FA2H: variants seen among roughly 807,000 people sequenced by gnomAD.
FA2H encodes fatty acid 2-hydroxylase.
In FA2H, 22 loss-of-function variants were observed where a neutral mutation model predicts 44.9. The observed-to-expected ratio is 0.49, with a 90% CI of 0.35 to 0.70. The LOEUF is 0.70. Among genes scored for constraint, FA2H ranks in the 30% least tolerant of loss-of-function variants. The pLI, the probability that FA2H is intolerant of heterozygous loss-of-function variation, is 0.01. For synonymous variants in FA2H, 243 were observed against 213.2 expected (o/e 1.14, Z -1.22); for missense variants, 501 against 504.9 (o/e 0.99, Z 0.07).
intron 2 of FA2H, among the ~76,000 whole-genome samples, chr16:74,730,162 CA>C (rs1294655943): frequency 6.6e-6 from 1 of 152,104 alleles, no homozygotes; most frequent in Non-Finnish European, 1.5e-5. Context: ...AGCCTGGGAG[CA>C]GGGGGGTGGG....
intron 2 of FA2H, among the ~76,000 whole-genome samples, chr16:74,730,003 T>A (rs763891204): frequency 1.3e-5 from 2 of 152,070 alleles, no homozygotes; most frequent in Non-Finnish European, 2.9e-5. Context: ...CATCAGTGAT[T>A]CCAGAAACCT....
chr16:74,751,506 C>T (rs1962525805), intron 1 of FA2H, among the ~76,000 whole-genome samples: 1 of 152,042 alleles, frequency 6.6e-6, no homozygotes, highest in African/African-American at 2.4e-5. Context: ...CACTCGTCAC[C>T]ATAATGATGC....
chr16:74,757,976 A>G (rs1264568007), intron 1 of FA2H, among the ~76,000 whole-genome samples: 1 of 152,158 alleles, frequency 6.6e-6, no homozygotes, highest in Non-Finnish European at 1.5e-5. Context: ...CTGAGATAGC[A>G]CCACTATACT....
In FA2H at chr16:74,714,112, A is replaced by C; in HGVS notation, c.*78T>G. The C allele has an allele frequency of 1.1e-6, 1 of 893,996 alleles. No homozygotes were observed. The highest frequency in any genetic ancestry group is 1.8e-6 in the Non-Finnish European group (1 of 555,390). The allele number at this position is 893,996 out of a possible 1,614,324, so 55.4% of individuals were successfully genotyped here. ...CCTGCCTGGCCAAGCCAACCTTCTT[A>C]ATGGGGTCTGAATGGCGGGTGGGGG... On this transcript the variant is annotated 3_prime_UTR_variant, in exon 7 of 7. Coordinates refer to ENST00000219368, the MANE Select transcript of FA2H (RefSeq NM_024306.5).
At chr16:74,750,226 C>T (rs1012496705) in intron 1 of FA2H, among the ~76,000 whole-genome samples, 32 of 152,178 alleles carry the variant, frequency 2.1e-4, no homozygotes, top group African/African-American at 7.5e-4. Flanking sequence ...AAGGAAAATA[C>T]ACGTACGACA....
intron 1 of FA2H, among the ~76,000 whole-genome samples, chr16:74,757,022 AT>A (rs1304454206): frequency 6.6e-6 from 1 of 152,094 alleles, no homozygotes; most frequent in African/African-American, 2.4e-5. Context: ...CTACAAGGAA[AT>A]TTAAAGGTTT....
intron 5 of FA2H, 36 bp from the exon 6 acceptor site, chr16:74,716,635 C>A: frequency 1.3e-6 from 2 of 1,525,632 alleles, no homozygotes; most frequent in South Asian, 1.2e-5. Context: ...AGGAGGCAGC[C>A]AGGGGCCCCG....
At chr16:74,736,559 G>C (rs1438006002) in intron 2 of FA2H, among the ~76,000 whole-genome samples, 1 of 152,240 alleles carries the variant, frequency 6.6e-6, no homozygotes, top group African/African-American at 2.4e-5. Context: ...CTGGTGGTCT[G>C]TGTTATGTCA....
intron 1 of FA2H, among the ~76,000 whole-genome samples, chr16:74,745,326 C>A (rs1962398203): frequency 6.6e-6 from 1 of 152,242 alleles, no homozygotes; most frequent in Non-Finnish European, 1.5e-5. Context: ...TAGTCCCCAG[C>A]ACAGGCTTGG....
intron 2 of FA2H, among the ~76,000 whole-genome samples, chr16:74,737,712 A>G (rs1327817570): frequency 6.6e-6 from 1 of 152,198 alleles, no homozygotes; most frequent in African/African-American, 2.4e-5. Context: ...CAGAAGAGTT[A>G]ACACCAGCAA....
chr16:74,772,986 C>T lies in FA2H; in HGVS notation c.270+1500G>A, dbSNP rs562842790. Among the ~76,000 whole-genome samples, 8 of 152,034 alleles carry T rather than the reference C, an allele frequency of 5.3e-5. No homozygotes were observed. In the South Asian group the frequency reaches 1.2e-3, roughly 24 times the overall value. On this transcript the variant is annotated intron_variant, in intron 1 of 6. Coordinates refer to ENST00000219368, the MANE Select transcript of FA2H (RefSeq NM_024306.5). Reference sequence around the variant, plus strand: ...AGCCTCCACCTCTCAGGTGATCCTCCCACCTTAGCCTCCCAAGTAGCTAGA... The same window carrying T: ...AGCCTCCACCTCTCAGGTGATCCTCTCACCTTAGCCTCCCAAGTAGCTAGA...
Position 74,726,350 on chromosome 16 carries a change from G to T in FA2H, c.507-19C>A, listed in dbSNP as rs2144616111. 6.7e-7 allele frequency: 1 copy of T among 1,502,120 alleles called. No individual in the cohort carries two copies. Among genetic ancestry groups the T allele is most frequent in the Non-Finnish European group, 9.3e-7 (1 of 1,078,502 alleles). 93.0% of individuals were successfully genotyped at this position (1,502,120 alleles called of 1,614,324 possible). On this transcript the variant is annotated intron_variant, in intron 3 of 6. Coordinates refer to ENST00000219368, the MANE Select transcript of FA2H (RefSeq NM_024306.5). The stretch of plus-strand genomic sequence containing the variant: ...ACTGTACCTGCAGGAAGGCCATCAG[G>T]GTGAGAGAGATACATGCACAGGAGC...
At chr16:74,773,762 C>T (rs1042975896) in intron 1 of FA2H, among the ~76,000 whole-genome samples, 1 of 152,216 alleles carries the variant, frequency 6.6e-6, no homozygotes, top group Admixed American at 6.5e-5. Flanking sequence ...GACTTAAATA[C>T]CATCGGGAGC....
At chr16:74,762,369 CAT>C (rs1372465360) in intron 1 of FA2H, among the ~76,000 whole-genome samples, 6 of 152,106 alleles carry the variant, frequency 3.9e-5, no homozygotes, top group African/African-American at 7.2e-5. Flanking sequence ...AAAAACCACA[CAT>C]GTGCACAAAA....
chr16:74,718,989 T>C lies in FA2H; in HGVS notation c.785A>G (p.Lys262Arg). Reference protein sequence around the residue: ...LHFVMHGQHHKAPFDGSRLVF... With the variant: ...LHFVMHGQHHRAPFDGSRLVF... Reference sequence around the variant, plus strand: ...GGGCTGGGACCCCGCCCCGCTCACCTTGTGGTGCTGGCCGTGCATGACGAA... The same window carrying C: ...GGGCTGGGACCCCGCCCCGCTCACCCTGTGGTGCTGGCCGTGCATGACGAA... Residue 262 changes from lysine (K) to arginine (R), a missense_variant and splice_region_variant, in exon 5 of 7, where the codon AAG becomes AGG. Lys to Arg is a conservative substitution (Grantham distance 26). Coordinates refer to ENST00000219368, the MANE Select transcript of FA2H (RefSeq NM_024306.5). 6.2e-7 allele frequency: 1 copy of C among 1,613,604 alleles called. No homozygotes were observed. The highest frequency in any genetic ancestry group is 8.5e-7 in the Non-Finnish European group (1 of 1,179,994).
At chr16:74,742,057 G>A (rs1249510734) in intron 1 of FA2H, among the ~76,000 whole-genome samples, 1 of 151,852 alleles carries the variant, frequency 6.6e-6, no homozygotes, top group Non-Finnish European at 1.5e-5. Flanking sequence ...GTTCCAACAG[G>A]CAGGGACCTT....
intron 2 of FA2H, among the ~76,000 whole-genome samples, chr16:74,737,643 C>G (rs569562329): frequency 3.3e-5 from 5 of 152,160 alleles, no homozygotes; most frequent in African/African-American, 9.7e-5. Context: ...AACTGGGCCC[C>G]GGGAGGCCAG....
intron 2 of FA2H, among the ~76,000 whole-genome samples, chr16:74,738,693 C>T (rs1008023537): frequency 6.6e-6 from 1 of 152,200 alleles, no homozygotes; most frequent in Non-Finnish European, 1.5e-5. Context: ...CACACTGTAG[C>T]TCACCCTTTG....
chr16:74,753,359 CACG>C (rs558704889), intron 1 of FA2H, among the ~76,000 whole-genome samples: 39 of 152,312 alleles, frequency 2.6e-4, no homozygotes, highest in African/African-American at 3.6e-4. Flanking sequence ...CGCTACGCAC[CACG>C]ACAAGAGCTT....
Sources: gnomAD v4.1 joint callset for allele counts (sites outside exome capture counted in the v4.1 genomes callset) on GRCh38, gnomAD v4.1.1 for gene constraint, MANE v1.5 for transcripts, NCBI Gene and HGNC (gene_info 2026-07-23, HGNC 2026-07-21) for gene names.